Variants in BCL3 observed in about 807,000 individuals in gnomAD.
BCL3 encodes B-cell lymphoma 3 protein.
A neutral mutation model predicts 35.7 loss-of-function variants in BCL3; 15 were observed. The observed-to-expected ratio is 0.42, with a 90% CI of 0.28 to 0.65. The LOEUF is 0.65. BCL3 is among the 30% of genes least tolerant of loss of function. BCL3 has a pLI of 0.22. For synonymous variants in BCL3, 311 were observed against 284.3 expected, an observed-to-expected ratio of 1.09 and a Z score of -0.95; for missense variants, 565 against 641.7, an observed-to-expected ratio of 0.88 and a Z score of 1.29.
At position 44,759,695 on chromosome 19, in the gene BCL3, A is replaced by G; in HGVS notation, c.*80A>G. On this transcript the variant is annotated 3_prime_UTR_variant, in exon 9 of 9. Coordinates refer to ENST00000164227, the MANE Select transcript of BCL3 (RefSeq NM_005178.5). Reference sequence around the variant, plus strand: ...GGGTCAACCCTTCTGGAAACTGTGAAGATCTCACTCTGCCCCCCCCCCCCA... The same window carrying G: ...GGGTCAACCCTTCTGGAAACTGTGAGGATCTCACTCTGCCCCCCCCCCCCA... The G allele has an allele frequency of 2.2e-6, 2 of 903,784 alleles. No homozygotes were observed. The highest frequency in any genetic ancestry group is 3.2e-6 in the Non-Finnish European group (2 of 621,432). The allele number at this position is 903,784 out of a possible 1,614,324, so 56.0% of individuals were successfully genotyped here. A position where few individuals can be genotyped will look rare whatever the true frequency, so the allele number is the denominator to read the frequency against.
intron 2 of BCL3, among the ~76,000 whole-genome samples, chr19:44,754,111 T>C (rs1967235043): frequency 6.6e-6 from 1 of 151,976 alleles, no homozygotes; most frequent in Admixed American, 6.6e-5. Flanking sequence ...TATTTCTGGG[T>C]CTCTGAGGGG....
At position 44,756,276 on chromosome 19, in the gene BCL3, A is replaced by T. The variant is rs1967277319; in HGVS notation, c.455A>T (p.His152Leu). 1.3e-6 allele frequency: 2 copies of T among 1,558,284 alleles called. No homozygotes were observed. Among genetic ancestry groups the T allele is most frequent in the South Asian group, 2.4e-5 (2 of 84,158 alleles). Reference sequence around the variant, plus strand: ...GTGCAGGGTAACCTGCCAGCTGTGCACCGGCTGGTCAACCTCTTCCAGCAG... The same window carrying T: ...GTGCAGGGTAACCTGCCAGCTGTGCTCCGGCTGGTCAACCTCTTCCAGCAG... ...AVVQGNLPAV[H>L]RLVNLFQQGG... Residue 152 changes from histidine (H) to leucine (L), a missense_variant, in exon 3 of 9, where the codon CAC becomes CTC. By Grantham distance (99) the His-to-Leu change is moderately conservative (BLOSUM62 -3). Coordinates refer to ENST00000164227, the MANE Select transcript of BCL3 (RefSeq NM_005178.5).
At position 44,749,043 on chromosome 19, in the gene BCL3, C is replaced by T. The variant is rs1013969147; in HGVS notation, c.253C>T (p.Pro85Ser). 2.2e-6 allele frequency: 3 copies of T among 1,340,364 alleles called. No homozygotes were observed. Among genetic ancestry groups the T allele is most frequent in the Non-Finnish European group, 2.9e-6 (3 of 1,048,244 alleles). The allele number at this position is 1,340,364 out of a possible 1,614,324, so 83.0% of individuals were successfully genotyped here. A position where few individuals can be genotyped will look rare whatever the true frequency, so the allele number is the denominator to read the frequency against. The change falls in exon 1 of 9, where the codon CCC (proline) becomes TCC (serine). Residue 85 changes from proline (P) to serine (S), a missense_variant. Physicochemically the swap from Pro to Ser is moderately conservative, Grantham distance 74. Around this residue, in one of 5 missense-constraint regions of BCL3, gnomAD observed 267 missense variants for 281.5 expected, o/e 0.95. Transcript: ENST00000164227. ...GGCCCGGCCGGAGGCGCTTTACTAC[C>T]CCGGTGAGTGGCCCCCGAGGGTCCG... ...GLARPEALYY[P>S]GALLPLYPTR...
chr19:44,750,210 G>T (rs1384983970), intron 1 of BCL3, among the ~76,000 whole-genome samples: 1 of 152,154 alleles, frequency 6.6e-6, no homozygotes, highest in Non-Finnish European at 1.5e-5. Flanking sequence ...TTCCAAGAGT[G>T]AGAAAGCAGG....
rs779015017 is a variant in BCL3 at position 44,759,654 on chromosome 19, G to C, written c.*39G>C. On this transcript the variant is annotated 3_prime_UTR_variant, in exon 9 of 9. Transcript: ENST00000164227. The stretch of plus-strand genomic sequence containing the variant: ...GCAGATCTTGGACTCATGAGGAGGG[G>C]CCCCCCTGCCCTGTGGGGTCAACCC... 6 of 1,495,428 alleles carry C rather than the reference G, an allele frequency of 4.0e-6. No homozygotes were observed. The highest frequency in any genetic ancestry group is 4.5e-6 in the Non-Finnish European group (5 of 1,116,580). 92.6% of individuals were successfully genotyped at this position (1,495,428 alleles called of 1,614,324 possible).
chr19:44,753,624 C>A (rs1261330932), intron 2 of BCL3, among the ~76,000 whole-genome samples: 3 of 152,140 alleles, frequency 2.0e-5, no homozygotes, highest in Non-Finnish European at 2.9e-5. Flanking sequence ...CCTGCGCCAC[C>A]GGCTCCTCTT....
intron 1 of BCL3, among the ~76,000 whole-genome samples, chr19:44,750,347 G>A (rs1038526941): frequency 2.0e-4 from 30 of 146,422 alleles, no homozygotes; most frequent in African/African-American, 7.8e-4. Flanking sequence ...CGCCCAGGCT[G>A]GAGTGCATTG....
intron 1 of BCL3, among the ~76,000 whole-genome samples, chr19:44,750,524 C>T (rs935799396): frequency 2.0e-5 from 3 of 152,112 alleles, no homozygotes; most frequent in Non-Finnish European, 2.9e-5. Flanking sequence ...GTATTGAACT[C>T]CTGACCTCAG....
intron 7 of BCL3, 118 bp from the exon 8 acceptor site, chr19:44,758,606 C>T: frequency 8.0e-7 from 1 of 1,255,152 alleles, no homozygotes; most frequent in Non-Finnish European, 1.1e-6. Flanking sequence ...AAGTGCCTTG[C>T]CCATCTTTTC....
intron 2 of BCL3, among the ~76,000 whole-genome samples, chr19:44,752,004 A>T (rs1967189411): frequency 6.6e-6 from 1 of 152,138 alleles, no homozygotes; most frequent in Non-Finnish European, 1.5e-5. Context: ...TTATACATGT[A>T]AAACTATCAC....
At chr19:44,758,619 A>G in intron 7 of BCL3, 105 bp from the exon 8 acceptor site, 1 of 1,269,514 alleles carries the variant, frequency 7.9e-7, no homozygotes. Context: ...ATCTTTTCAT[A>G]CTGAGAAGTG....
intron 2 of BCL3, among the ~76,000 whole-genome samples, chr19:44,753,086 G>A (rs62117207): frequency 0.021 from 3,132 of 152,278 alleles, 43 homozygotes; most frequent in South Asian, 0.075. Flanking sequence ...TATTAATACA[G>A]TGCACAGAAC....
At position 44,757,424 on chromosome 19, in the gene BCL3, G is replaced by T; in HGVS notation, c.813+9G>T. The T allele has an allele frequency of 1.1e-5, 18 of 1,572,988 alleles. No individual in the cohort carries two copies. The highest frequency in any genetic ancestry group is 1.6e-5 in the Non-Finnish European group (18 of 1,160,686). On this transcript the variant is annotated intron_variant, in intron 5 of 8. Coordinates refer to ENST00000164227, the MANE Select transcript of BCL3 (RefSeq NM_005178.5). The surrounding 1 kb of genome is among the most constrained non-coding windows in gnomAD (Gnocchi z 8.4). ...CCGACATCGACGCAGTGGTGAGCGT[G>T]CACTAGGAGCTGGGAGGGAGCGGGG... is the stretch of plus-strand genomic sequence containing the variant.
intron 2 of BCL3, among the ~76,000 whole-genome samples, chr19:44,753,143 TTTGA>T (rs1186537119): frequency 2.6e-5 from 4 of 152,218 alleles, no homozygotes; most frequent in Non-Finnish European, 4.4e-5. Context: ...ATGGGTAATG[TTTGA>T]GCAGAGCTCC....
In BCL3 at chr19:44,748,728, G is replaced by T; in HGVS notation, c.-63G>T. ...GCTGCAGGGGAAGTCCCGGCGCCCG[G>T]CGAAACCACCCTCCCGTGCAGCCGA... is the stretch of plus-strand genomic sequence containing the variant. On this transcript the variant is annotated 5_prime_UTR_variant, in exon 1 of 9. Transcript: ENST00000164227. The T allele has an allele frequency of 9.4e-7, 1 of 1,067,990 alleles. No homozygotes were observed. Among genetic ancestry groups the T allele is most frequent in the Non-Finnish European group, 1.1e-6 (1 of 883,870 alleles). The allele number at this position is 1,067,990 out of a possible 1,614,324, so 66.2% of individuals were successfully genotyped here. A position where few individuals can be genotyped will look rare whatever the true frequency, so the allele number is the denominator to read the frequency against.
Position 44,751,465 on chromosome 19 carries a change from C to T in BCL3, c.410+85C>T, listed in dbSNP as rs555776790. 2.0e-5 allele frequency: 27 copies of T among 1,383,188 alleles called. No individual in the cohort carries two copies. In the East Asian group the frequency reaches 6.9e-4, roughly 35 times the overall value. 85.7% of individuals were successfully genotyped at this position (1,383,188 alleles called of 1,614,324 possible). On this transcript the variant is annotated intron_variant, in intron 2 of 8. Transcript: ENST00000164227. The stretch of plus-strand genomic sequence containing the variant: ...CAGGGCCACTCAGCTCCCAGTGGAC[C>T]TGAGTCAGAACTCGGTCTCCACCAC...
rs1255986385 is a variant in BCL3, at chr19:44,757,353, A to T, written c.751A>T (p.Asn251Tyr). 1 of 1,606,812 alleles carries T rather than the reference A, an allele frequency of 6.2e-7. No homozygotes were observed. The highest frequency in any genetic ancestry group is 1.7e-5 in the Admixed American group (1 of 59,374). ...DGLTALHVAV[N>Y]TECQETVQLL... is the part of the protein sequence containing the mutation. ...GCTCACCGCCCTGCACGTGGCAGTG[A>T]ACACCGAGTGCCAAGAAACCGTGCA... The change falls in exon 5 of 9, where the codon AAC (asparagine) becomes TAC (tyrosine). Residue 251 changes from asparagine to tyrosine, a missense_variant. Asn to Tyr is a moderately radical substitution (Grantham distance 143, BLOSUM62 -2). This residue lies in a region of BCL3 where 103 missense variants were observed against 106.7 expected (regional missense o/e 0.97). Transcript: ENST00000164227. This position sits in a 1 kb window ranked among gnomAD's most constrained non-coding sequence, Gnocchi z 8.4.
intron 1 of BCL3, among the ~76,000 whole-genome samples, chr19:44,750,868 C>T (rs1001574256): frequency 2.6e-5 from 4 of 152,210 alleles, no homozygotes; most frequent in African/African-American, 4.8e-5. Flanking sequence ...CCACACCCTG[C>T]ACCCAGCAAT....
intron 2 of BCL3, among the ~76,000 whole-genome samples, chr19:44,754,415 T>C (rs1877855264): frequency 6.6e-6 from 1 of 152,140 alleles, no homozygotes; most frequent in Non-Finnish European, 1.5e-5. Context: ...AGGATGGAAG[T>C]TGGGGTGCCA....
Sources: allele counts gnomAD v4.1 joint callset (sites outside exome capture counted in the v4.1 genomes callset), GRCh38; gene constraint gnomAD v4.1.1; regional missense constraint gnomAD v4.1.1; non-coding constraint Gnocchi (gnomAD v3.1); transcripts MANE v1.5; gene names NCBI Gene and HGNC (gene_info 2026-07-23, HGNC 2026-07-21).